MYO1E: variants seen among roughly 807,000 people sequenced by gnomAD.
MYO1E encodes the protein unconventional myosin-Ie.
Under a neutral mutation model 151.1 loss-of-function variants are expected in MYO1E, and 68 were observed. The ratio of observed to expected loss-of-function variants is 0.45; its 90% CI spans 0.37 to 0.55. MYO1E has a LOEUF of 0.55. Among genes scored for constraint, MYO1E ranks in the 20% least tolerant of loss-of-function variants. MYO1E has a pLI of 0.00. For synonymous variants in MYO1E, 601 were observed against 501.7 expected (o/e 1.20, Z -2.64); for missense variants, 1,363 against 1,389.3 (o/e 0.98, Z 0.30).
intron 1 of MYO1E, among the ~76,000 whole-genome samples, chr15:59,367,086 T>C: frequency 6.6e-6 from 1 of 151,560 alleles, no homozygotes; most frequent in Non-Finnish European, 1.5e-5. Context: ...CCATGAAGCT[T>C]ATAATACCTT....
At chr15:59,246,230 G>A (rs1242563391) in intron 4 of MYO1E, among the ~76,000 whole-genome samples, 3 of 152,060 alleles carry the variant, frequency 2.0e-5, no homozygotes, top group African/African-American at 7.2e-5. Context: ...TGATTCTCCT[G>A]CCTCAGCTTT....
intron 4 of MYO1E, among the ~76,000 whole-genome samples, chr15:59,238,693 T>A (rs1027864981): frequency 1.3e-5 from 2 of 151,994 alleles, no homozygotes; most frequent in Non-Finnish European, 2.9e-5. Context: ...TGCCTCAGCC[T>A]CCCAAGTATC....
chr15:59,355,751 T>C (rs28378088), intron 1 of MYO1E, among the ~76,000 whole-genome samples: 10,150 of 152,110 alleles, frequency 0.067, 978 homozygotes, highest in African/African-American at 0.21. Flanking sequence ...GCTCTGACTC[T>C]GTCACCCAGG....
Position 59,202,410 on chromosome 15 carries a change from G to A in MYO1E, c.1617-3C>T, listed in dbSNP as rs2079807847. On this transcript the variant is annotated splice_region_variant and splice_polypyrimidine_tract_variant and intron_variant, in intron 15 of 27. Transcript: ENST00000288235. The stretch of plus-strand genomic sequence containing the variant: ...GAAATAAAGACTTTATGAAAGGCCT[G>A]GAAAAGGAGAAAGAGAATGAATTAA... 1.2e-6 allele frequency: 2 copies of A among 1,613,094 alleles called. No individual in the cohort carries two copies. The highest frequency in any genetic ancestry group is 2.7e-5 in the African/African-American group (2 of 74,990).
chr15:59,261,161 G>A (rs1019703513), intron 3 of MYO1E, among the ~76,000 whole-genome samples: 4 of 151,526 alleles, frequency 2.6e-5, no homozygotes, highest in African/African-American at 7.3e-5. Flanking sequence ...TGCAGTGAGC[G>A]GAGATCATGC....
intron 1 of MYO1E, among the ~76,000 whole-genome samples, chr15:59,365,721 ACATT>A (rs1386663827): frequency 3.9e-5 from 6 of 152,218 alleles, no homozygotes; most frequent in Non-Finnish European, 7.3e-5. Context: ...TTTGTAACAA[ACATT>A]ATCAGAGCTC....
At chr15:59,346,423 A>G (rs1212277390) in intron 1 of MYO1E, among the ~76,000 whole-genome samples, 1 of 152,172 alleles carries the variant, frequency 6.6e-6, no homozygotes, top group African/African-American at 2.4e-5. Context: ...TTTTTGAAGC[A>G]AGAGTAAAAA....
chr15:59,209,754 T>TTA (rs1310959394), intron 13 of MYO1E, among the ~76,000 whole-genome samples: 2 of 151,332 alleles, frequency 1.3e-5, no homozygotes, highest in African/African-American at 2.4e-5. Flanking sequence ...TTTTTGGCTT[T>TTA]TATATATATA....
intron 1 of MYO1E, among the ~76,000 whole-genome samples, chr15:59,347,125 G>C (rs75026205): frequency 0.02 from 3,083 of 152,296 alleles, 48 homozygotes; most frequent in African/African-American, 0.044. Context: ...TGGCCTGTCA[G>C]GAACCGGGCT....
chr15:59,185,275 AT>A (rs563684349), intron 18 of MYO1E, among the ~76,000 whole-genome samples: 1,897 of 149,938 alleles, frequency 0.013, 17 homozygotes, highest in Non-Finnish European at 0.021. Context: ...GCTGTGTGGA[AT>A]TTTTTTTTTG....
At chr15:59,224,883 C>T (rs1317444633) in intron 7 of MYO1E, 60 bp from the exon 8 acceptor site, 2 of 1,608,718 alleles carry the variant, frequency 1.2e-6, no homozygotes, top group African/African-American at 2.7e-5. Flanking sequence ...CGAAGTCACT[C>T]CTGCATCCTG....
Position 59,137,085 on chromosome 15 carries a change from G to C in MYO1E, c.*295C>G, listed in dbSNP as rs1210158197. On this transcript the variant is annotated 3_prime_UTR_variant, in exon 28 of 28. Transcript: ENST00000288235. ...TTTGATAGAAGCCTACAAGGTCTGAGCAGACCTCACTTGTCCTCTCACCAG... is the reference window on the plus strand; with the variant it reads ...TTTGATAGAAGCCTACAAGGTCTGACCAGACCTCACTTGTCCTCTCACCAG... 2.2e-5 allele frequency: 10 copies of C among 449,636 alleles called. No homozygotes were observed. The highest frequency in any genetic ancestry group is 1.6e-4 in the African/African-American group (8 of 50,222). The allele number at this position is 449,636 out of a possible 1,614,324, so 27.9% of individuals were successfully genotyped here.
chr15:59,368,907 A>T (rs1321705045), intron 1 of MYO1E, among the ~76,000 whole-genome samples: 1 of 152,156 alleles, frequency 6.6e-6, no homozygotes, highest in East Asian at 1.9e-4. Flanking sequence ...TGGGCTGTCA[A>T]ATATTTCCCA....
chr15:59,327,017 C>T (rs1367691140), intron 1 of MYO1E, among the ~76,000 whole-genome samples: 3 of 152,200 alleles, frequency 2.0e-5, no homozygotes, highest in African/African-American at 7.2e-5. Flanking sequence ...CAGGCACCTG[C>T]ACCCAGAGGA....
chr15:59,243,333 T>C (rs1201812507), intron 4 of MYO1E, among the ~76,000 whole-genome samples: 4 of 152,236 alleles, frequency 2.6e-5, no homozygotes, highest in Admixed American at 6.5e-5. Flanking sequence ...ATATTGTGGC[T>C]ATGATAATTG....
intron 4 of MYO1E, among the ~76,000 whole-genome samples, chr15:59,239,852 T>C (rs1191787323): frequency 6.6e-6 from 1 of 152,216 alleles, no homozygotes; most frequent in Non-Finnish European, 1.5e-5. Flanking sequence ...AATAATGGAA[T>C]GTTACAGAAT....
intron 1 of MYO1E, among the ~76,000 whole-genome samples, chr15:59,344,495 A>T (rs2080783027): frequency 6.6e-6 from 1 of 152,222 alleles, no homozygotes. Flanking sequence ...GTCTTGCCCA[A>T]GGCCTGTATA....
chr15:59,178,598 C>A (rs75032416), intron 18 of MYO1E, 61 bp from the exon 19 acceptor site: 1 of 1,588,042 alleles, frequency 6.3e-7, no homozygotes, highest in African/African-American at 1.3e-5. Context: ...GTTTTCTACC[C>A]GGGCAAGGCA....
chr15:59,285,477 C>A (rs1163536997), intron 1 of MYO1E, among the ~76,000 whole-genome samples: 2 of 150,990 alleles, frequency 1.3e-5, no homozygotes, highest in African/African-American at 2.4e-5. Flanking sequence ...CCTGCCTCAG[C>A]CCCCCGAGTG....
Sources: gnomAD v4.1 joint callset for allele counts (sites outside exome capture counted in the v4.1 genomes callset) on GRCh38, gnomAD v4.1.1 for gene constraint, MANE v1.5 for transcripts, NCBI Gene and HGNC (gene_info 2026-07-23, HGNC 2026-07-21) for gene names.